COL24A1: variants seen among roughly 807,000 people sequenced by gnomAD.
The protein encoded by COL24A1 is collagen type XXIV alpha 1 chain.
A neutral mutation model predicts 253.9 loss-of-function variants in COL24A1; 224 were observed. The observed-to-expected ratio is 0.88, with a 90% CI of 0.79 to 0.99. The LOEUF is 0.99. Among genes scored for constraint, COL24A1 ranks in the 50% least tolerant of loss-of-function variants. COL24A1 has a pLI of 0.00. For synonymous variants in COL24A1, 685 were observed against 673.7 expected (o/e 1.02, Z -0.26); for missense variants, 2,131 against 2,068.5 (o/e 1.03, Z -0.59).
intron 2 of COL24A1, among the ~76,000 whole-genome samples, chr1:86,131,826 G>T (rs1649264271): frequency 6.6e-6 from 1 of 152,050 alleles, no homozygotes; most frequent in African/African-American, 2.4e-5. Flanking sequence ...AAACATATGT[G>T]TGCATGTGTC....
At chr1:85,921,831 G>A (rs931823671) in intron 24 of COL24A1, among the ~76,000 whole-genome samples, 7 of 152,214 alleles carry the variant, frequency 4.6e-5, no homozygotes, top group African/African-American at 1.7e-4. Context: ...TGAGCTGATA[G>A]AAGTAGGCTT....
intron 32 of COL24A1, among the ~76,000 whole-genome samples, chr1:85,888,642 T>A (rs1283753252): frequency 2.0e-5 from 3 of 152,058 alleles, no homozygotes; most frequent in South Asian, 4.1e-4. Flanking sequence ...CCAAGAAGGA[T>A]TTAGCTTAAA....
In COL24A1 at chr1:85,730,354, C is replaced by A; in HGVS notation, c.*192G>T. Reference sequence around the variant, plus strand: ...ATATAATTTTTAAAAGAATTAAATACTTTATCAATCATAGTCCTTTAAAAA... The same window carrying A: ...ATATAATTTTTAAAAGAATTAAATAATTTATCAATCATAGTCCTTTAAAAA... On this transcript the variant is annotated 3_prime_UTR_variant, in exon 60 of 60. Transcript: ENST00000370571. 2.2e-6 allele frequency: 1 copy of A among 461,842 alleles called. No homozygotes were observed. Among genetic ancestry groups the A allele is most frequent in the Non-Finnish European group, 3.7e-6 (1 of 266,874 alleles). The allele number at this position is 461,842 out of a possible 1,614,324, so 28.6% of individuals were successfully genotyped here.
At chr1:85,842,316 AT>A in intron 40 of COL24A1, 23 bp downstream of exon 40, 1 of 1,527,562 alleles carries the variant, frequency 6.5e-7, no homozygotes, top group Non-Finnish European at 8.9e-7. Flanking sequence ...ATGTGAATAT[AT>A]TTTTTCAATT....
At chr1:86,066,489 C>A (rs1310273674) in intron 7 of COL24A1, among the ~76,000 whole-genome samples, 1 of 151,842 alleles carries the variant, frequency 6.6e-6, no homozygotes, top group Non-Finnish European at 1.5e-5. Context: ...CGTGATCTGC[C>A]CGCCTCGGCC....
chr1:86,051,157 C>T (rs680613), intron 10 of COL24A1, among the ~76,000 whole-genome samples: 103,685 of 151,892 alleles, frequency 0.68, 37,002 homozygotes, highest in African/African-American at 0.88. Flanking sequence ...TGAAGGTTTA[C>T]GGGTCCAGAT....
intron 43 of COL24A1, among the ~76,000 whole-genome samples, chr1:85,824,907 TTATTA>T (rs1558265804): frequency 4.5e-4 from 5 of 11,190 alleles, no homozygotes; most frequent in Non-Finnish European, 1.8e-4. Context: ...TATTCTTTTA[TTATTA>T]TTATTATTAT....
intron 41 of COL24A1, 66 bp from the exon 42 acceptor site, chr1:85,841,344 C>T: frequency 8.9e-7 from 1 of 1,125,394 alleles, no homozygotes; most frequent in South Asian, 1.5e-5. Flanking sequence ...AACACACAAC[C>T]TACTATTTTT....
At position 86,112,595 on chromosome 1, in the gene COL24A1, G is replaced by A. The variant is rs1379692206; in HGVS notation, c.1571C>T (p.Pro524Leu). The change falls in exon 5 of 60, where the codon CCT (proline) becomes CTT (leucine). Residue 524 changes from proline (P) to leucine (L), a missense_variant. Coordinates refer to ENST00000370571, the MANE Select transcript of COL24A1 (RefSeq NM_152890.7). The part of the protein sequence containing the change: ...PRGIPGPHGN[P>L]GLPGLPGPKG... ...TGGACCAGGTAATCCAGGTAAACCA[G>A]GATTTCCATGTGGCCCTGGTATGCC... 3.7e-6 allele frequency: 6 copies of A among 1,613,048 alleles called. No homozygotes were observed. Among genetic ancestry groups the A allele is most frequent in the Non-Finnish European group, 5.1e-6 (6 of 1,179,370 alleles).
chr1:85,778,880 A>T (rs1392968016), intron 52 of COL24A1, among the ~76,000 whole-genome samples: 2 of 152,176 alleles, frequency 1.3e-5, no homozygotes, highest in Non-Finnish European at 2.9e-5. Flanking sequence ...CTGGGATTAC[A>T]AGCATGAGCC....
chr1:86,066,966 G>A (rs1434907040), intron 7 of COL24A1, among the ~76,000 whole-genome samples: 2 of 151,844 alleles, frequency 1.3e-5, no homozygotes, highest in Admixed American at 6.6e-5. Context: ...GATGAAACCC[G>A]TCTCTATTAA....
At chr1:85,828,545 T>C (rs1353197534) in intron 43 of COL24A1, among the ~76,000 whole-genome samples, 2 of 151,492 alleles carry the variant, frequency 1.3e-5, no homozygotes, top group African/African-American at 4.8e-5. Context: ...CCATTATTAT[T>C]GTGTGGGAGT....
chr1:86,109,667 T>C (rs954910533), intron 5 of COL24A1, among the ~76,000 whole-genome samples: 1 of 152,166 alleles, frequency 6.6e-6, no homozygotes, highest in Non-Finnish European at 1.5e-5. Flanking sequence ...AGCAGAGGGG[T>C]GAGACCCTCA....
At position 86,023,872 on chromosome 1, in the gene COL24A1, C is replaced by T. The variant is rs142091948; in HGVS notation, c.2050-865G>A. ...GGTCTCCTTTTTCTTCTTTTTCTCA[C>T]GATCTTTCTTTGCCTGGCTTCCTTA... On this transcript the variant is annotated intron_variant, in intron 14 of 59. Coordinates refer to ENST00000370571, the MANE Select transcript of COL24A1 (RefSeq NM_152890.7). Among the ~76,000 whole-genome samples, 1,221 of 152,104 alleles carry T rather than the reference C, an allele frequency of 8.0e-3. 44 individuals are homozygous for T. Among genetic ancestry groups the T allele is most frequent in the Admixed American group, 0.064 (979 of 15,264 alleles).
Position 86,017,214 on chromosome 1 carries a change from G to A in COL24A1, c.2257-10C>T, listed in dbSNP as rs200474145. 5.1e-6 allele frequency: 8 copies of A among 1,553,780 alleles called. No individual in the cohort carries two copies. Among genetic ancestry groups the A allele is most frequent in the Non-Finnish European group, 6.0e-6 (7 of 1,159,484 alleles). ...GGTCACCTGTTTGGCCCTAAAATGG[G>A]GGGGGAGGATCAAAGTATAAACATA... On this transcript the variant is annotated splice_polypyrimidine_tract_variant and intron_variant, in intron 18 of 59. Coordinates refer to ENST00000370571, the MANE Select transcript of COL24A1 (RefSeq NM_152890.7).
At position 85,827,605 on chromosome 1, in the gene COL24A1, C is replaced by T. The variant is rs574290845; in HGVS notation, c.3682-3867G>A. On this transcript the variant is annotated intron_variant, in intron 43 of 59. Transcript: ENST00000370571. ...ATTGATTATTGCCACAATTTCAGCT[C>T]GTTATTGATCTATTCAGAGATTCAA... Among the ~76,000 whole-genome samples, 14 of 151,892 alleles carry T rather than the reference C, an allele frequency of 9.2e-5. No homozygotes were observed. In the South Asian group the frequency reaches 1.0e-3, roughly 11 times the overall value.
At chr1:86,034,034 T>G in intron 12 of COL24A1, 111 bp from the exon 13 acceptor site, 2 of 714,736 alleles carry the variant, frequency 2.8e-6, no homozygotes, top group Middle Eastern at 2.6e-4. Flanking sequence ...ACTCTTAAAC[T>G]GTAATGCAAC....
chr1:85,963,966 GAA>G (rs1034588827), intron 23 of COL24A1, among the ~76,000 whole-genome samples: 1 of 151,880 alleles, frequency 6.6e-6, no homozygotes, highest in African/African-American at 2.4e-5. Context: ...TGTAACTTGA[GAA>G]AGAGTCAGGT....
At chr1:85,799,920 T>C (rs1402417136) in intron 47 of COL24A1, among the ~76,000 whole-genome samples, 2 of 152,170 alleles carry the variant, frequency 1.3e-5, no homozygotes, top group Non-Finnish European at 2.9e-5. Context: ...TTCAACTTCA[T>C]GGCCCTAGGA....
Sources: gnomAD v4.1 joint callset for allele counts (sites outside exome capture counted in the v4.1 genomes callset) on GRCh38, gnomAD v4.1.1 for gene constraint, MANE v1.5 for transcripts, NCBI Gene and HGNC (gene_info 2026-07-23, HGNC 2026-07-21) for gene names.